Variants in SPATA31D1 observed in about 807,000 individuals in gnomAD.
The protein encoded by SPATA31D1 is spermatogenesis-associated protein 31D1.
In SPATA31D1, 6 loss-of-function variants were observed where a neutral mutation model predicts 13.2. The ratio of observed to expected loss-of-function variants is 0.46; its 90% CI spans 0.25 to 0.90. The LOEUF is 0.90. SPATA31D1 is among the 40% of genes least tolerant of loss of function. The probability of loss-of-function intolerance (pLI) is 0.18; values close to 1 mark genes in which losing one functional copy is unlikely to be tolerated. For missense variants in SPATA31D1, 2,445 were observed against 1,884.7 expected (o/e 1.30, Z -5.50); for synonymous variants, 903 against 718.8 (o/e 1.26, Z -4.10).
In SPATA31D1 at chr9:81,994,331, C is replaced by T. The variant is rs747409510; in HGVS notation, c.3861C>T (p.Phe1287=). 2 of 1,613,834 alleles carry T rather than the reference C, an allele frequency of 1.2e-6. No homozygotes were observed. Among genetic ancestry groups the T allele is most frequent in the African/African-American group, 2.7e-5 (2 of 74,926 alleles). The change falls in exon 4 of 4, where the codon TTC becomes TTT. Residue 1287 remains phenylalanine, a synonymous_variant. Coordinates refer to ENST00000344803, the MANE Select transcript of SPATA31D1 (RefSeq NM_001001670.3). ...CVLQKCQVTN[F]PPAVNRVSPV... is the part of the protein sequence containing the mutation. ...TACAGAAGTGTCAAGTTACGAATTT[C>T]CCACCAGCTGTAAACAGAGTGAGTC...
Position 81,994,476 on chromosome 9 carries a change from T to A in SPATA31D1, c.4006T>A (p.Ser1336Thr), listed in dbSNP as rs759606526. 3 of 1,613,384 alleles carry A rather than the reference T, an allele frequency of 1.9e-6. No individual in the cohort carries two copies. The highest frequency in any genetic ancestry group is 1.7e-6 in the Non-Finnish European group (2 of 1,179,608). The change falls in exon 4 of 4, where the codon TCT becomes ACT. Residue 1336 changes from serine (S) to threonine (T), a missense_variant. Ser to Thr is a moderately conservative substitution (Grantham distance 58). Coordinates refer to ENST00000344803, the MANE Select transcript of SPATA31D1 (RefSeq NM_001001670.3). The part of the protein sequence containing the change: ...KTSGEVLGSK[S>T]SPTLKTQPPP... The stretch of plus-strand genomic sequence containing the variant: ...ATCAGGGGAGGTGCTTGGGAGCAAA[T>A]CTTCCCCAACCTTGAAAACACAGCC...
rs758454319 is a variant in SPATA31D1, at chr9:81,994,453, CA to C, written c.3984del (p.Glu1330ArgfsTer11). 1 of 1,613,476 alleles carries C rather than the reference CA, an allele frequency of 6.2e-7. No individual in the cohort carries two copies. The highest frequency in any genetic ancestry group is 8.5e-7 in the Non-Finnish European group (1 of 1,179,608). The part of the protein sequence containing the change: ...RKSLPVHNKT[S>X]GEVLGSKSSP... ...AGCCTCCCTGTTCATAACAAGACAT[CA>C]GGGGAGGTGCTTGGGAGCAAATCTT... On this transcript the variant is annotated frameshift_variant, in exon 4 of 4. Coordinates refer to ENST00000344803, the MANE Select transcript of SPATA31D1 (RefSeq NM_001001670.3). LOFTEE classifies it low-confidence loss of function (END_TRUNC).
rs375054373 is a variant in SPATA31D1, at chr9:81,992,282, G to A, written c.1812G>A (p.Val604=). The A allele has an allele frequency of 3.6e-5, 58 of 1,613,670 alleles. No individual in the cohort carries two copies. The highest frequency in any genetic ancestry group is 4.7e-5 in the Non-Finnish European group (56 of 1,179,738). The change falls in exon 4 of 4, where the codon GTG becomes GTA. Residue 604 remains valine (V), a synonymous_variant. Coordinates refer to ENST00000344803, the MANE Select transcript of SPATA31D1 (RefSeq NM_001001670.3). ...SPLFLIRICG[V]CFHRPQNEAR... ...TATTCCTGATTAGGATCTGTGGAGTGTGTTTTCATAGACCCCAGAACGAGG... is the reference window on the plus strand; with the variant it reads ...TATTCCTGATTAGGATCTGTGGAGTATGTTTTCATAGACCCCAGAACGAGG...
At chr9:81,990,561 A>T in intron 3 of SPATA31D1, 75 bp downstream of exon 3, 1 of 1,458,768 alleles carries the variant, frequency 6.9e-7, no homozygotes, top group Non-Finnish European at 9.3e-7. Flanking sequence ...CATTTCAGGG[A>T]TTCCTTGTAG....
rs779073311 is a variant in SPATA31D1, at chr9:81,994,547, G to A, written c.4077G>A (p.Gln1359=). 6.2e-7 allele frequency: 1 copy of A among 1,613,278 alleles called. No homozygotes were observed. The highest frequency in any genetic ancestry group is 8.5e-7 in the Non-Finnish European group (1 of 1,179,628). ...GAAAATGGATGAAGACCTCTTTGCA[G>A]TGGTTTAATAAACCCAGCATATCAT... The part of the protein sequence containing the change: ...LFRKWMKTSL[Q]WFNKPSISYE... The change falls in exon 4 of 4, where the codon CAG becomes CAA. Residue 1359 remains glutamine (Q), a synonymous_variant. Coordinates refer to ENST00000344803, the MANE Select transcript of SPATA31D1 (RefSeq NM_001001670.3).
At position 81,995,098 on chromosome 9, in the gene SPATA31D1, C is replaced by A; in HGVS notation, c.4628C>A (p.Pro1543Gln). 6.2e-7 allele frequency: 1 copy of A among 1,610,366 alleles called. No homozygotes were observed. Among genetic ancestry groups the A allele is most frequent in the Non-Finnish European group, 8.5e-7 (1 of 1,178,084 alleles). Residue 1543 changes from proline to glutamine, a missense_variant, in exon 4 of 4, where the codon CCA (proline) becomes CAA (glutamine). By Grantham distance (76) the Pro-to-Gln change is moderately conservative. Coordinates refer to ENST00000344803, the MANE Select transcript of SPATA31D1 (RefSeq NM_001001670.3). ...GTCAGCCTGGTGTGTCCAGCCGTCCCAACCAGTGCTAAAAGCCCTGTGTTT... is the reference window on the plus strand; with the variant it reads ...GTCAGCCTGGTGTGTCCAGCCGTCCAAACCAGTGCTAAAAGCCCTGTGTTT... ...RQVSLVCPAV[P>Q]TSAKSPVFSD...
intron 3 of SPATA31D1, 54 bp downstream of exon 3, chr9:81,990,540 T>C: frequency 6.6e-7 from 1 of 1,509,658 alleles, no homozygotes; most frequent in East Asian, 2.4e-5. Flanking sequence ...TCTTCTTTAG[T>C]ACGTTCTATT....
chr9:81,989,685 A>T, intron 1 of SPATA31D1, 93 bp from the exon 2 acceptor site: 3 of 627,974 alleles, frequency 4.8e-6, no homozygotes, highest in Non-Finnish European at 6.8e-6. Context: ...ATTCTTGTAT[A>T]ATGAATGAAT....
rs1180530255 is a variant in SPATA31D1 at position 81,990,887 on chromosome 9, T to C, written c.417T>C (p.Asp139=). 1.2e-6 allele frequency: 2 copies of C among 1,613,960 alleles called. No homozygotes were observed. The highest frequency in any genetic ancestry group is 1.7e-6 in the Non-Finnish European group (2 of 1,179,880). The change falls in exon 4 of 4, where the codon GAT becomes GAC. Residue 139 remains aspartate (D), a synonymous_variant. Transcript: ENST00000344803. ...VCRVCKRATA[D]IQQLLSWESL... ...GGGTGTGTAAGAGAGCAACTGCTGA[T>C]ATCCAGCAACTGCTGTCTTGGGAGT...
rs182884415 is a variant in SPATA31D1, at chr9:81,990,802, G to T, written c.332G>T (p.Arg111Leu). 5,181 of 1,612,740 alleles carry T rather than the reference G, an allele frequency of 3.2e-3. 12 individuals carry two copies. The highest frequency in any genetic ancestry group is 4.0e-3 in the Admixed American group (241 of 59,826). Residue 111 changes from arginine to leucine, a missense_variant, in exon 4 of 4, where the codon CGG becomes CTG. By Grantham distance (102) the Arg-to-Leu change is moderately radical (BLOSUM62 -2). Coordinates refer to ENST00000344803, the MANE Select transcript of SPATA31D1 (RefSeq NM_001001670.3). The part of the protein sequence containing the change: ...SFGPPVSCSP[R>L]GQHHDTNHFR... ...GGACCTCCTGTTTCCTGCAGTCCTC[G>T]GGGCCAGCATCATGATACCAACCAC...
In SPATA31D1 at chr9:81,993,041, C is replaced by G. The variant is rs368351346; in HGVS notation, c.2571C>G (p.Val857=). 5.0e-5 allele frequency: 80 copies of G among 1,613,656 alleles called. No homozygotes were observed. The highest frequency in any genetic ancestry group is 5.0e-5 in the Admixed American group (3 of 59,994). ...CTGTGCATAGTTCATGGCACTCAGT[C>G]AAGCAGACAATGTCTCTTCCTGAGA... ...PGTVHSSWHS[V]KQTMSLPEKS... The change falls in exon 4 of 4, where the codon GTC becomes GTG. Residue 857 remains valine (V), a synonymous_variant. Transcript: ENST00000344803.
chr9:81,991,940 A>G lies in SPATA31D1; in HGVS notation c.1470A>G (p.Lys490=), dbSNP rs747333521. 6.2e-7 allele frequency: 1 copy of G among 1,613,736 alleles called. No individual in the cohort carries two copies. Among genetic ancestry groups the G allele is most frequent in the Non-Finnish European group, 8.5e-7 (1 of 1,179,720 alleles). ...TCCATCAGCAGCCTCCACACTCTAA[A>G]TGCTTTGAAGACCATTTAGAGCAAA... is the stretch of plus-strand genomic sequence containing the variant. ...QHIHQQPPHS[K]CFEDHLEQKY... is the part of the protein sequence containing the mutation. The change falls in exon 4 of 4, where the codon AAA becomes AAG. Residue 490 remains lysine, a synonymous_variant. Coordinates refer to ENST00000344803, the MANE Select transcript of SPATA31D1 (RefSeq NM_001001670.3).
chr9:81,990,892 A>G lies in SPATA31D1; in HGVS notation c.422A>G (p.Gln141Arg), dbSNP rs750064564. 5.0e-6 allele frequency: 8 copies of G among 1,613,802 alleles called. No homozygotes were observed. The highest frequency in any genetic ancestry group is 4.0e-5 in the African/African-American group (3 of 74,884). ...RVCKRATADI[Q>R]QLLSWESLKD... ...TGTAAGAGAGCAACTGCTGATATCCAGCAACTGCTGTCTTGGGAGTCCCTG... is the reference window on the plus strand; with the variant it reads ...TGTAAGAGAGCAACTGCTGATATCCGGCAACTGCTGTCTTGGGAGTCCCTG... Residue 141 changes from glutamine (Q) to arginine (R), a missense_variant, in exon 4 of 4, where the codon CAG becomes CGG. Physicochemically the swap from Gln to Arg is conservative, Grantham distance 43. Coordinates refer to ENST00000344803, the MANE Select transcript of SPATA31D1 (RefSeq NM_001001670.3).
chr9:81,991,736 G>C lies in SPATA31D1; in HGVS notation c.1266G>C (p.Arg422Ser). 1.9e-6 allele frequency: 3 copies of C among 1,613,784 alleles called. No homozygotes were observed. Among genetic ancestry groups the C allele is most frequent in the African/African-American group, 1.3e-5 (1 of 75,012 alleles). ...LALLERQVKK[R>S]GDFLMWKENG... ...TCCTGGAGAGACAAGTCAAAAAAAG[G>C]GGTGATTTCCTGATGTGGAAAGAAA... Residue 422 changes from arginine to serine, a missense_variant, in exon 4 of 4, where the codon AGG (arginine) becomes AGC (serine). Arg to Ser is a moderately radical substitution (Grantham distance 110). Coordinates refer to ENST00000344803, the MANE Select transcript of SPATA31D1 (RefSeq NM_001001670.3).
Position 81,993,465 on chromosome 9 carries a change from G to A in SPATA31D1, c.2995G>A (p.Gly999Arg). 3 of 1,613,800 alleles carry A rather than the reference G, an allele frequency of 1.9e-6. No individual in the cohort carries two copies. The highest frequency in any genetic ancestry group is 2.5e-6 in the Non-Finnish European group (3 of 1,179,868). The change falls in exon 4 of 4, where the codon GGG becomes AGG. Residue 999 changes from glycine to arginine, a missense_variant. Transcript: ENST00000344803. ...CTCACCTGTCGTCCAAGAAGGGCAG[G>A]GGACCCTGAGAAGACAATTTTCTGA... ...VSSPVVQEGQGTLRRQFSDTD... is the reference protein window; with the variant it reads ...VSSPVVQEGQRTLRRQFSDTD...
rs751487649 is a variant in SPATA31D1, at chr9:81,993,201, C to T, written c.2731C>T (p.Arg911Cys). 9.9e-5 allele frequency: 160 copies of T among 1,613,844 alleles called. No homozygotes were observed. The highest frequency in any genetic ancestry group is 1.3e-4 in the Non-Finnish European group (153 of 1,179,882). ...GTTGGAAGCCCATATTAAAACTTTCCGTATGAGGATGCTGTGGGGCCTTCC... is the reference window on the plus strand; with the variant it reads ...GTTGGAAGCCCATATTAAAACTTTCTGTATGAGGATGCTGTGGGGCCTTCC... ...KMLEAHIKTF[R>C]MRMLWGLPLK... The change falls in exon 4 of 4, where the codon CGT becomes TGT. Residue 911 changes from arginine to cysteine, a missense_variant. Physicochemically the swap from Arg to Cys is radical, Grantham distance 180. Transcript: ENST00000344803.
rs752950305 is a variant in SPATA31D1, at chr9:81,991,294, G to A, written c.824G>A (p.Gly275Asp). 6.2e-7 allele frequency: 1 copy of A among 1,613,880 alleles called. No individual in the cohort carries two copies. Among genetic ancestry groups the A allele is most frequent in the East Asian group, 2.2e-5 (1 of 44,856 alleles). ...SLSLNTIFSF[G>D]STLCQDISQA... Reference sequence around the variant, plus strand: ...TCTCTGAACACCATCTTTTCATTTGGCTCCACCCTATGCCAAGATATTTCG... The same window carrying A: ...TCTCTGAACACCATCTTTTCATTTGACTCCACCCTATGCCAAGATATTTCG... The change falls in exon 4 of 4, where the codon GGC becomes GAC. Residue 275 changes from glycine (G) to aspartate (D), a missense_variant. Transcript: ENST00000344803.
In SPATA31D1 at chr9:81,991,727, C is replaced by G; in HGVS notation, c.1257C>G (p.Val419=). The G allele has an allele frequency of 1.2e-6, 2 of 1,612,964 alleles. No homozygotes were observed. Among genetic ancestry groups the G allele is most frequent in the East Asian group, 2.2e-5 (1 of 44,860 alleles). The stretch of plus-strand genomic sequence containing the variant: ...TTCTGGCACTCCTGGAGAGACAAGT[C>G]AAAAAAAGGGGTGATTTCCTGATGT... ...HDILALLERQ[V]KKRGDFLMWK... is the part of the protein sequence containing the mutation. The change falls in exon 4 of 4, where the codon GTC becomes GTG. Residue 419 remains valine, a synonymous_variant. Transcript: ENST00000344803.
chr9:81,989,947 A>G (rs563472557), intron 2 of SPATA31D1, 124 bp downstream of exon 2: 2 of 1,109,862 alleles, frequency 1.8e-6, no homozygotes, highest in African/African-American at 3.1e-5. Flanking sequence ...CAGAGCCCTC[A>G]GAAGACAGGC....
Sources: allele counts gnomAD v4.1 joint callset, GRCh38; gene constraint gnomAD v4.1.1; transcripts MANE v1.5; gene names NCBI Gene and HGNC (gene_info 2026-07-23, HGNC 2026-07-21).